ANKRD28: variants seen among roughly 807,000 people sequenced by gnomAD.
ANKRD28 encodes serine/threonine-protein phosphatase 6 regulatory ankyrin repeat subunit A.
Under a neutral mutation model 126.5 loss-of-function variants are expected in ANKRD28, and 44 were observed. The observed-to-expected ratio is 0.35, with a 90% confidence interval of 0.27 to 0.45. The LOEUF (loss-of-function observed/expected upper bound fraction) is 0.45. Among genes scored for constraint, ANKRD28 ranks in the 20% least tolerant of loss-of-function variants. ANKRD28 has a pLI of 1.00. For synonymous variants in ANKRD28, 442 were observed against 468.5 expected (o/e 0.94, Z 0.73); for missense variants, 1,110 against 1,316.6 (o/e 0.84, Z 2.43).
chr3:15,765,470 C>T (rs1211201295), intron 3 of ANKRD28, among the ~76,000 whole-genome samples: 3 of 152,066 alleles, frequency 2.0e-5, no homozygotes, highest in East Asian at 3.8e-4. Flanking sequence ...TATAAACCAC[C>T]GTTACCTCCA....
chr3:15,812,434 A>C lies in ANKRD28; in HGVS notation c.28-17128T>G, dbSNP rs148238954. Among the ~76,000 whole-genome samples the C allele has an allele frequency of 1.3e-5, 2 of 152,358 alleles. No homozygotes were observed. The highest frequency in any genetic ancestry group is 3.9e-4 in the East Asian group (2 of 5,192). Reference sequence around the variant, plus strand: ...GATAATTACAATTTATACAGTTATTAAAAGCAAAATTAGCTAAATGATTTG... The same window carrying C: ...GATAATTACAATTTATACAGTTATTCAAAGCAAAATTAGCTAAATGATTTG... On this transcript the variant is annotated intron_variant, in intron 1 of 27. Transcript: ENST00000399451. The surrounding 1 kb of genome is among the most constrained non-coding windows in gnomAD (Gnocchi z 4.1).
chr3:15,859,130 C>T (rs553666014), intron 1 of ANKRD28, among the ~76,000 whole-genome samples: 2 of 152,326 alleles, frequency 1.3e-5, no homozygotes, highest in East Asian at 3.9e-4. Flanking sequence ...GAGCGTGGAA[C>T]CCGCCCCTCT....
rs2060335875 is a variant in ANKRD28 at position 15,797,584 on chromosome 3, ATAG to A, written c.-1066_-1064del. ...AAAAAAAAAAAGGGGGGGGAAAAAC[ATAG>A]TAGTGTATCATTCCAGTGTTTCCTT... On this transcript the variant is annotated 5_prime_UTR_variant, in exon 1 of 28. In the 5' UTR this introduces an upstream ATG that the reference lacks. Coordinates refer to ENST00000683139, the MANE Select transcript of ANKRD28 (RefSeq NM_001349278.2). The A allele has an allele frequency of 4.1e-6, 4 of 985,046 alleles. No homozygotes were observed. The highest frequency in any genetic ancestry group is 3.6e-6 in the Non-Finnish European group (3 of 829,898). The allele number at this position is 985,046 out of a possible 1,614,324, so 61.0% of individuals were successfully genotyped here. A position where few individuals can be genotyped will look rare whatever the true frequency, so the allele number is the denominator to read the frequency against.
chr3:15,752,483 T>C (rs957125918), intron 3 of ANKRD28, among the ~76,000 whole-genome samples: 3 of 152,102 alleles, frequency 2.0e-5, no homozygotes, highest in African/African-American at 7.2e-5. Context: ...GCAAACACAT[T>C]AAGACAAAAA....
At chr3:15,827,646 AAC>A (rs2061096591) in intron 1 of ANKRD28, among the ~76,000 whole-genome samples, 1 of 152,198 alleles carries the variant, frequency 6.6e-6, no homozygotes, top group African/African-American at 2.4e-5. Context: ...CTTAGAAGAA[AAC>A]ACAGGGGAAA....
intron 14 of ANKRD28, among the ~76,000 whole-genome samples, chr3:15,702,017 C>G (rs553331221): frequency 6.6e-6 from 1 of 152,294 alleles, no homozygotes; most frequent in East Asian, 1.9e-4. Context: ...GACCTGAATA[C>G]AAAACTTATT....
intron 7 of ANKRD28, 53 bp downstream of exon 7, chr3:15,724,329 T>C (rs530168170): frequency 9.9e-6 from 14 of 1,407,436 alleles, no homozygotes; most frequent in African/African-American, 8.7e-5. Flanking sequence ...AATAATGTAA[T>C]AGTAAGTATA....
chr3:15,724,549 A>C, intron 6 of ANKRD28, 25 bp from the exon 7 acceptor site: 1 of 1,544,124 alleles, frequency 6.5e-7, no homozygotes, highest in Non-Finnish European at 8.7e-7. Context: ...TTGAAGAAAA[A>C]AATAGAGATG....
rs539900747 is a variant in ANKRD28 at position 15,846,765 on chromosome 3, G to A, written c.27+12612C>T. Among the ~76,000 whole-genome samples the A allele has an allele frequency of 5.3e-5, 8 of 152,300 alleles. No individual in the cohort carries two copies. In the South Asian group the frequency reaches 1.5e-3, roughly 28 times the overall value. ...GAGGAGGCTGGAGACAACCCAGGCT[G>A]AAAGAAGTTCAGTTCTCTTTGACCC... On this transcript the variant is annotated intron_variant, in intron 1 of 27. Transcript: ENST00000399451. This position sits in a 1 kb window ranked among gnomAD's most constrained non-coding sequence, Gnocchi z 5.4.
chr3:15,741,380 G>A (rs75217784), intron 4 of ANKRD28, among the ~76,000 whole-genome samples: 1 of 152,274 alleles, frequency 6.6e-6, no homozygotes, highest in East Asian at 1.9e-4. Context: ...CATATTATCA[G>A]TGTATCATCA....
At chr3:15,835,055 T>C (rs1441384123) in intron 1 of ANKRD28, among the ~76,000 whole-genome samples, 3 of 152,006 alleles carry the variant, frequency 2.0e-5, no homozygotes, top group African/African-American at 7.2e-5. Flanking sequence ...GGCTGAGGCA[T>C]GAGAATCTCT....
chr3:15,690,601 G>T (rs755637564), intron 17 of ANKRD28, among the ~76,000 whole-genome samples: 3 of 152,106 alleles, frequency 2.0e-5, no homozygotes, highest in Non-Finnish European at 4.4e-5. Flanking sequence ...GTCTTGCTCT[G>T]TTGCCCCAGC....
At chr3:15,743,545 AACACACACACACACACACACAC>A (rs4036221) in intron 4 of ANKRD28, among the ~76,000 whole-genome samples, 11 of 140,484 alleles carry the variant, frequency 7.8e-5, no homozygotes, top group African/African-American at 1.9e-4. Context: ...GTGGCTTTTT[AACACACACACACACACACACAC>A]ACACACACAC....
At chr3:15,674,933 G>A (rs190475513) in intron 27 of ANKRD28, among the ~76,000 whole-genome samples, 1 of 152,082 alleles carries the variant, frequency 6.6e-6, no homozygotes, top group African/African-American at 2.4e-5. Flanking sequence ...CTATGTGTAG[G>A]GGTGAGGGGG....
rs371377512 is a variant in ANKRD28, at chr3:15,677,861, C to T, written c.2708-299G>A. 1.3e-4 allele frequency among the ~76,000 whole-genome samples: 20 copies of T among 152,218 alleles called. No individual in the cohort carries two copies. In the South Asian group the frequency reaches 3.5e-3, roughly 27 times the overall value. On this transcript the variant is annotated intron_variant, in intron 24 of 27. Coordinates refer to ENST00000683139, the MANE Select transcript of ANKRD28 (RefSeq NM_001349278.2). ...TTTAAAGTAATTTATTTAACCCTCA[C>T]AACAACACACCAAGTAGATACTGTT...
rs9832628 is a variant in ANKRD28 at position 15,846,531 on chromosome 3, C to G, written c.27+12846G>C. ...GCTGAAAGCTTACCTACCATATAAA[C>G]GAGTTAAAAAATACAAACAGTATAA... On this transcript the variant is annotated intron_variant, in intron 1 of 27. Coordinates refer to the ANKRD28 transcript ENST00000399451. The surrounding 1 kb of genome is among the most constrained non-coding windows in gnomAD (Gnocchi z 5.4). Among the ~76,000 whole-genome samples the G allele has an allele frequency of 2.6e-5, 4 of 152,158 alleles. No individual in the cohort carries two copies. The East Asian group carries it at 7.7e-4, about 29-fold the overall frequency.
intron 1 of ANKRD28, among the ~76,000 whole-genome samples, chr3:15,810,357 G>T (rs1004289432): frequency 6.6e-6 from 1 of 151,706 alleles, no homozygotes; most frequent in Admixed American, 6.6e-5. Context: ...TGTAGGAACT[G>T]AGACATAAGA....
chr3:15,726,459 C>G (rs770941018), intron 6 of ANKRD28, among the ~76,000 whole-genome samples: 2 of 152,198 alleles, frequency 1.3e-5, no homozygotes, highest in Non-Finnish European at 2.9e-5. Context: ...CTACAAAATT[C>G]GCTTATGCCA....
chr3:15,790,658 A>G (rs989924351), intron 2 of ANKRD28, among the ~76,000 whole-genome samples: 1 of 152,140 alleles, frequency 6.6e-6, no homozygotes, highest in African/African-American at 2.4e-5. Flanking sequence ...AATAAAAGCC[A>G]TATATGACAG....
Sources: gnomAD v4.1 joint callset for allele counts (sites outside exome capture counted in the v4.1 genomes callset) on GRCh38, gnomAD v4.1.1 for gene constraint, Gnocchi (gnomAD v3.1) non-coding constraint, MANE v1.5 for transcripts, NCBI Gene and HGNC (gene_info 2026-07-23, HGNC 2026-07-21) for gene names.